The following SRCAP variants were observed in gnomAD, a reference collection of about 807,000 sequenced individuals.
The protein encoded by SRCAP is Snf2 related CREBBP activator protein.
SRCAP carries 46 observed loss-of-function variants against 263.1 expected under a neutral mutation model. The ratio of observed to expected loss-of-function variants is 0.17; its 90% CI spans 0.14 to 0.22. SRCAP has a LOEUF of 0.22. Among genes scored for constraint, SRCAP ranks in the 10% least tolerant of loss-of-function variants. The probability of loss-of-function intolerance (pLI) is 1.00; values close to 1 mark genes in which losing one functional copy is unlikely to be tolerated. For synonymous variants in SRCAP, 1,813 were observed against 1,662.1 expected (o/e 1.09, Z -2.21); for missense variants, 3,695 against 4,181.9 (o/e 0.88, Z 3.21).
chr16:30,728,129 G>A (rs2053080452), intron 25 of SRCAP, among the ~76,000 whole-genome samples: 1 of 152,178 alleles, frequency 6.6e-6, no homozygotes, highest in Admixed American at 6.5e-5. Flanking sequence ...CAGTCAGGAA[G>A]GAGATTTGGA....
chr16:30,712,576 T>G, intron 13 of SRCAP, 103 bp from the exon 14 acceptor site: 1 of 1,557,586 alleles, frequency 6.4e-7, no homozygotes, highest in Admixed American at 1.8e-5. Context: ...GTGTAGGTGC[T>G]AGGATTCCTA....
intron 18 of SRCAP, among the ~76,000 whole-genome samples, chr16:30,719,357 A>C (rs2052987185): frequency 6.7e-6 from 1 of 149,598 alleles, no homozygotes; most frequent in Non-Finnish European, 1.5e-5. Context: ...CTGGGATTAC[A>C]GGCACGTGCC....
At chr16:30,721,108 G>GA in intron 20 of SRCAP, 81 bp from the exon 21 acceptor site, 1 of 1,541,800 alleles carries the variant, frequency 6.5e-7, no homozygotes, top group Non-Finnish European at 8.7e-7. Context: ...TGATGGGTTG[G>GA]AAGGGAGTAT....
At position 30,736,636 on chromosome 16, in the gene SRCAP, C is replaced by T; in HGVS notation, c.7008+12C>T. The T allele has an allele frequency of 8.7e-6, 14 of 1,613,818 alleles. No individual in the cohort carries two copies. The highest frequency in any genetic ancestry group is 1.2e-5 in the Non-Finnish European group (14 of 1,179,752). On this transcript the variant is annotated intron_variant, in intron 33 of 33. Transcript: ENST00000262518. ...TCAAACAGGCAGAAGTGAGTATTTCCAGGGGTGGGGCTGGCAGTTGGAAGC... is the reference window on the plus strand; with the variant it reads ...TCAAACAGGCAGAAGTGAGTATTTCTAGGGGTGGGGCTGGCAGTTGGAAGC...
At chr16:30,715,764 T>C (rs1291988632) in intron 16 of SRCAP, among the ~76,000 whole-genome samples, 2 of 152,218 alleles carry the variant, frequency 1.3e-5, no homozygotes, top group African/African-American at 2.4e-5. Context: ...ATCTTCTAGA[T>C]TTATTTGCAT....
rs539854298 is a variant in SRCAP, at chr16:30,727,844, G to A, written c.5659-1122G>A. On this transcript the variant is annotated intron_variant, in intron 25 of 33. Transcript: ENST00000262518. Reference sequence around the variant, plus strand: ...TGGGATTACAGGTGTGAGCCACCGCGCCTGGCCCTTGTTTGTATTTTTTGT... The same window carrying A: ...TGGGATTACAGGTGTGAGCCACCGCACCTGGCCCTTGTTTGTATTTTTTGT... Among the ~76,000 whole-genome samples, 12 of 152,006 alleles carry A rather than the reference G, an allele frequency of 7.9e-5. 1 individual carries two copies. In the South Asian group the frequency reaches 2.1e-3, roughly 26 times the overall value.
At chr16:30,728,930 G>T (rs754748763) in intron 25 of SRCAP, 36 bp from the exon 26 acceptor site, 1 of 1,583,874 alleles carries the variant, frequency 6.3e-7, no homozygotes, top group Non-Finnish European at 8.6e-7. Flanking sequence ...GGACTCTGAG[G>T]GTGCTGATTA....
chr16:30,707,869 T>C (rs1353685034), intron 6 of SRCAP, among the ~76,000 whole-genome samples, 157 bp downstream of exon 6: 1 of 152,146 alleles, frequency 6.6e-6, no homozygotes, highest in Non-Finnish European at 1.5e-5. Flanking sequence ...AGTGGCAAAA[T>C]ATGGGTCCTG....
chr16:30,723,265 A>G, intron 24 of SRCAP, 36 bp downstream of exon 24: 4 of 1,565,228 alleles, frequency 2.6e-6, no homozygotes, highest in Non-Finnish European at 3.5e-6. Context: ...AATCCTTGCC[A>G]GGAATGGAGA....
At chr16:30,729,267 T>C (rs1450641075) in intron 26 of SRCAP, 36 bp downstream of exon 26, 2 of 1,597,406 alleles carry the variant, frequency 1.3e-6, no homozygotes, top group Admixed American at 1.7e-5. Flanking sequence ...GAGTGGGTCT[T>C]GGGGCCTCAG....
chr16:30,716,034 C>T (rs757578095), intron 16 of SRCAP, 32 bp from the exon 17 acceptor site: 4 of 1,613,232 alleles, frequency 2.5e-6, no homozygotes, highest in Non-Finnish European at 3.4e-6. Context: ...CCTGAGTTCT[C>T]CTGTTTAGCC....
At chr16:30,702,567 TTCCC>T (rs1265038644) in intron 3 of SRCAP, among the ~76,000 whole-genome samples, 26 of 25,796 alleles carry the variant, frequency 1.0e-3, no homozygotes, top group South Asian at 3.5e-3. Context: ...CCTCCCTCCC[TTCCC>T]TCCCTCCCTC....
At chr16:30,704,765 CCAGGAGGT>C (rs1458548096) in intron 4 of SRCAP, among the ~76,000 whole-genome samples, 1 of 152,024 alleles carries the variant, frequency 6.6e-6, no homozygotes, top group African/African-American at 2.4e-5. Context: ...TCACCTGAGC[CCAGGAGGT>C]CAGGGCTGCA....
Position 30,724,323 on chromosome 16 carries a change from T to A in SRCAP, c.4899T>A (p.Ala1633=). The change falls in exon 25 of 34, where the codon GCT becomes GCA. Residue 1633 remains alanine, a synonymous_variant. Coordinates refer to ENST00000262518, the MANE Select transcript of SRCAP (RefSeq NM_006662.3). ...ASSQTPVPVM[A]PSSTPGTSLA... ...CACAGACTCCGGTTCCAGTTATGGC[T>A]CCATCGTCTACTCCAGGAACCTCTT... The A allele has an allele frequency of 6.2e-7, 1 of 1,614,070 alleles. No homozygotes were observed. Among genetic ancestry groups the A allele is most frequent in the Non-Finnish European group, 8.5e-7 (1 of 1,179,998 alleles).
At chr16:30,725,646 G>A (rs1253734916) in intron 25 of SRCAP, 1 of 153,338 alleles carries the variant, frequency 6.5e-6, no homozygotes, top group East Asian at 1.9e-4. Flanking sequence ...CCGCTAGGTT[G>A]GTCCTGGCTG....
intron 18 of SRCAP, among the ~76,000 whole-genome samples, chr16:30,717,610 C>CTTTTTTTTT (rs34512915): frequency 2.2e-5 from 2 of 91,146 alleles, no homozygotes; most frequent in Non-Finnish European, 4.0e-5. Context: ...CCAAGCCTGG[C>CTTTTTTTTT]TTTTTTTTTT....
intron 6 of SRCAP, 88 bp from the exon 7 acceptor site, chr16:30,709,425 G>T: frequency 1.4e-6 from 2 of 1,411,412 alleles, no homozygotes; most frequent in Non-Finnish European, 2.0e-6. Context: ...CCCAGGATCT[G>T]GTTAAAGAAG....
chr16:30,711,530 CT>C (rs1567242472), intron 10 of SRCAP, 40 bp from the exon 11 acceptor site: 3 of 1,540,556 alleles, frequency 1.9e-6, no homozygotes, highest in Non-Finnish European at 2.6e-6. Flanking sequence ...CCCCTTCTCC[CT>C]CCCCTCAGAG....
At chr16:30,723,511 G>A (rs556208246) in intron 24 of SRCAP, 73 bp from the exon 25 acceptor site, 9 of 1,532,662 alleles carry the variant, frequency 5.9e-6, no homozygotes, top group Non-Finnish European at 7.0e-6. Flanking sequence ...TTGGGGGTAT[G>A]GGAAAGATGG....
Sources: allele counts gnomAD v4.1 joint callset (sites outside exome capture counted in the v4.1 genomes callset), GRCh38; gene constraint gnomAD v4.1.1; transcripts MANE v1.5; gene names NCBI Gene and HGNC (gene_info 2026-07-23, HGNC 2026-07-21).